The following TTI1 variants were observed in gnomAD, a reference collection of about 807,000 sequenced individuals.
TTI1 encodes the protein TELO2-interacting protein 1 homolog.
Under a neutral mutation model 85.4 loss-of-function variants are expected in TTI1, and 52 were observed. The observed-to-expected ratio is 0.61, with a 90% CI of 0.49 to 0.77. TTI1 has a LOEUF of 0.77. TTI1 is among the 30% of genes least tolerant of loss of function. The probability of loss-of-function intolerance (pLI) is 0.00; values close to 1 mark genes in which losing one functional copy is unlikely to be tolerated. For synonymous variants in TTI1, 512 were observed against 503.9 expected (o/e 1.02, Z -0.22); for missense variants, 1,173 against 1,296.0 (o/e 0.91, Z 1.46).
At chr20:38,023,391 C>A (rs1297957452) in intron 1 of TTI1, among the ~76,000 whole-genome samples, 1 of 152,196 alleles carries the variant, frequency 6.6e-6, no homozygotes, top group African/African-American at 2.4e-5. Flanking sequence ...GGTGGGGGAG[C>A]AGATATGCTT....
chr20:38,017,435 T>TGTGCGCGC (rs879610985), intron 1 of TTI1, among the ~76,000 whole-genome samples: 1 of 146,132 alleles, frequency 6.8e-6, no homozygotes, highest in African/African-American at 2.6e-5. Flanking sequence ...TGTGTGTGTG[T>TGTGCGCGC]GCGCGCGCGC....
chr20:38,027,351 T>C (rs2073849356), intron 1 of TTI1, among the ~76,000 whole-genome samples: 2 of 152,222 alleles, frequency 1.3e-5, no homozygotes, highest in Non-Finnish European at 2.9e-5. Flanking sequence ...TGTTTTAAAA[T>C]CTGTATTATT....
At chr20:38,001,915 T>A (rs1239587093) in intron 4 of TTI1, among the ~76,000 whole-genome samples, 5 of 152,114 alleles carry the variant, frequency 3.3e-5, no homozygotes, top group Non-Finnish European at 7.4e-5. Flanking sequence ...ATGGGGTTTC[T>A]CCATGTTGGT....
intron 1 of TTI1, among the ~76,000 whole-genome samples, chr20:38,027,266 T>C (rs2073847976): frequency 6.6e-6 from 1 of 152,232 alleles, no homozygotes; most frequent in South Asian, 2.1e-4. Flanking sequence ...TCCTCCCATA[T>C]ATTTTATATC....
chr20:38,025,569 CAA>C (rs1170945431), intron 1 of TTI1, among the ~76,000 whole-genome samples: 1 of 127,666 alleles, frequency 7.8e-6, no homozygotes, highest in African/African-American at 2.9e-5. Flanking sequence ...CACTCCATCT[CAA>C]AAAAAAAAAG....
At position 38,012,925 on chromosome 20, in the gene TTI1, C is replaced by A; in HGVS notation, c.892G>T (p.Val298Phe). 1 of 1,614,180 alleles carries A rather than the reference C, an allele frequency of 6.2e-7. No individual in the cohort carries two copies. Among genetic ancestry groups the A allele is most frequent in the South Asian group, 1.1e-5 (1 of 91,088 alleles). Residue 298 changes from valine to phenylalanine, a missense_variant, in exon 2 of 8, where the codon GTT becomes TTT. By Grantham distance (50) the Val-to-Phe change is conservative. Transcript: ENST00000373447. ...TILIKKIIEC[V>F]SVHPHWKVRL... Reference sequence around the variant, plus strand: ...ACCTTCCAGTGTGGGTGAACAGAAACACACTCAATTATCTTTTTAATAAGG... The same window carrying A: ...ACCTTCCAGTGTGGGTGAACAGAAAAACACTCAATTATCTTTTTAATAAGG...
intron 1 of TTI1, among the ~76,000 whole-genome samples, chr20:38,026,348 T>C (rs1184351556): frequency 6.6e-6 from 1 of 151,988 alleles, no homozygotes; most frequent in African/African-American, 2.4e-5. Flanking sequence ...TTAGTAGAGG[T>C]AGATTTCACC....
At chr20:38,010,832 G>A (rs1174688695) in intron 2 of TTI1, among the ~76,000 whole-genome samples, 1 of 152,090 alleles carries the variant, frequency 6.6e-6, no homozygotes, top group Non-Finnish European at 1.5e-5. Context: ...TAGGATCAGT[G>A]GGAAGAAGAG....
At chr20:38,018,612 C>A (rs1349203881) in intron 1 of TTI1, among the ~76,000 whole-genome samples, 1 of 151,882 alleles carries the variant, frequency 6.6e-6, no homozygotes, top group African/African-American at 2.4e-5. Flanking sequence ...TTGGCCAATA[C>A]AAAGAAAAGA....
At chr20:38,003,752 CAAA>C (rs61171915) in intron 3 of TTI1, among the ~76,000 whole-genome samples, 20 of 118,778 alleles carry the variant, frequency 1.7e-4, no homozygotes, top group Admixed American at 1.7e-4. Flanking sequence ...AACTCTGTCT[CAAA>C]AAAAAAAAAA....
intron 4 of TTI1, among the ~76,000 whole-genome samples, chr20:38,001,867 C>T (rs2073430349): frequency 6.6e-6 from 1 of 152,184 alleles, no homozygotes; most frequent in African/African-American, 2.4e-5. Context: ...AACAGGCATG[C>T]ACCACCATGC....
rs755456490 is a variant in TTI1 at position 37,999,317 on chromosome 20, C to G, written c.2664G>C (p.Val888=). Residue 888 remains valine (V), a synonymous_variant, in exon 5 of 8, where the codon GTG becomes GTC. Coordinates refer to ENST00000373447, the MANE Select transcript of TTI1 (RefSeq NM_001303457.2). ...GAAGAACAACCACACACAGATCCAG[C>G]ACATCCAAGACCTGAAAGAGACACG... is the stretch of plus-strand genomic sequence containing the variant. ...NLQIRLKVLD[V]LDLCVVVLQS... 2.8e-6 allele frequency: 4 copies of G among 1,440,118 alleles called. No individual in the cohort carries two copies. Among genetic ancestry groups the G allele is most frequent in the Non-Finnish European group, 3.7e-6 (4 of 1,088,516 alleles). 89.2% of individuals were successfully genotyped at this position (1,440,118 alleles called of 1,614,324 possible). A position where few individuals can be genotyped will look rare whatever the true frequency, so the allele number is the denominator to read the frequency against.
chr20:38,016,244 C>T (rs1316895158), intron 1 of TTI1, among the ~76,000 whole-genome samples: 1 of 152,182 alleles, frequency 6.6e-6, no homozygotes, highest in African/African-American at 2.4e-5. Context: ...GACACTTACA[C>T]TGCTGAGGAA....
intron 2 of TTI1, among the ~76,000 whole-genome samples, chr20:38,008,591 C>G (rs755711526): frequency 6.6e-6 from 1 of 152,142 alleles, no homozygotes; most frequent in African/African-American, 2.4e-5. Context: ...TTGCCCTTAC[C>G]GTGGCACCTA....
At chr20:38,005,455 A>C (rs1300642870) in intron 3 of TTI1, among the ~76,000 whole-genome samples, 1 of 152,226 alleles carries the variant, frequency 6.6e-6, no homozygotes. Context: ...TCCCACCAAC[A>C]AACAAATGGA....
chr20:38,013,823 G>A lies in TTI1; in HGVS notation c.-7C>T. ...GAGTATCAAAAACTGCCATTGTGCA[G>A]CAGCCTTCCCCTCATTGAGGAAACA... On this transcript the variant is annotated 5_prime_UTR_variant, in exon 2 of 8. Transcript: ENST00000373447. 6.2e-7 allele frequency: 1 copy of A among 1,605,788 alleles called. No homozygotes were observed. Among genetic ancestry groups the A allele is most frequent in the African/African-American group, 1.3e-5 (1 of 74,890 alleles).
chr20:37,994,293 C>A (rs898174318), intron 7 of TTI1, among the ~76,000 whole-genome samples: 3 of 152,108 alleles, frequency 2.0e-5, no homozygotes, highest in African/African-American at 7.2e-5. Context: ...GCCACCATGC[C>A]CAGCTAACTT....
At chr20:37,996,607 A>G in intron 6 of TTI1, 142 bp downstream of exon 6, 2 of 1,388,216 alleles carry the variant, frequency 1.4e-6, no homozygotes, top group Non-Finnish European at 2.0e-6. Context: ...ACATCAAGAT[A>G]AATGGACAAA....
chr20:37,986,656 T>C (rs11905663), intron 7 of TTI1, among the ~76,000 whole-genome samples: 290 of 152,262 alleles, frequency 1.9e-3, no homozygotes, highest in African/African-American at 6.4e-3. Context: ...CCTGGCCCAC[T>C]CTCCTCACAG....
Sources: gnomAD v4.1 joint callset for allele counts (sites outside exome capture counted in the v4.1 genomes callset) on GRCh38, gnomAD v4.1.1 for gene constraint, MANE v1.5 for transcripts, NCBI Gene and HGNC (gene_info 2026-07-23, HGNC 2026-07-21) for gene names.